CCDC85A: variants seen among roughly 807,000 people sequenced by gnomAD.
CCDC85A encodes coiled-coil domain containing 85A.
In CCDC85A, 38 loss-of-function variants were observed where a neutral mutation model predicts 50.2. The ratio of observed to expected loss-of-function variants is 0.76; its 90% CI spans 0.58 to 0.99. The LOEUF is 0.99. Among genes scored for constraint, CCDC85A ranks in the 50% least tolerant of loss-of-function variants. The probability of loss-of-function intolerance (pLI) is 0.00; values close to 1 mark genes in which losing one functional copy is unlikely to be tolerated. For synonymous variants in CCDC85A, 366 were observed against 301.4 expected (o/e 1.21, Z -2.22); for missense variants, 820 against 742.0 (o/e 1.11, Z -1.22).
intron 2 of CCDC85A, among the ~76,000 whole-genome samples, chr2:56,236,787 C>T (rs1669034391): frequency 6.6e-6 from 1 of 152,054 alleles, no homozygotes; most frequent in East Asian, 1.9e-4. Context: ...TCATTTTGGC[C>T]TCACATTTGC....
At chr2:56,315,535 G>GC (rs991797697) in intron 2 of CCDC85A, among the ~76,000 whole-genome samples, 73 of 152,220 alleles carry the variant, frequency 4.8e-4, no homozygotes, top group African/African-American at 1.7e-3. Context: ...CTCAAGTAAT[G>GC]CATGTAACTG....
intron 3 of CCDC85A, among the ~76,000 whole-genome samples, chr2:56,347,116 T>G (rs1674667337): frequency 6.6e-6 from 1 of 152,198 alleles, no homozygotes; most frequent in African/African-American, 2.4e-5. Flanking sequence ...CACACCTATC[T>G]TCTATACATA....
At chr2:56,364,027 A>G (rs371692706) in intron 3 of CCDC85A, among the ~76,000 whole-genome samples, 6 of 152,326 alleles carry the variant, frequency 3.9e-5, no homozygotes, top group Admixed American at 1.3e-4. Context: ...TTCTGTAGGA[A>G]TTTCAGTGTT....
chr2:56,232,922 G>T (rs1174165656), intron 2 of CCDC85A, among the ~76,000 whole-genome samples: 1 of 152,110 alleles, frequency 6.6e-6, no homozygotes, highest in African/African-American at 2.4e-5. Context: ...ACTTAATGGG[G>T]TGACATAATA....
intron 2 of CCDC85A, among the ~76,000 whole-genome samples, chr2:56,305,417 CAT>C (rs1672400659): frequency 6.6e-6 from 1 of 152,136 alleles, no homozygotes; most frequent in African/African-American, 2.4e-5. Context: ...GCTAGTAAGA[CAT>C]AAAGTGGAGA....
At chr2:56,340,427 T>C (rs906292739) in intron 2 of CCDC85A, among the ~76,000 whole-genome samples, 1 of 152,054 alleles carries the variant, frequency 6.6e-6, no homozygotes, top group Non-Finnish European at 1.5e-5. Context: ...ACTGAGGAGG[T>C]TGTTCTGCTT....
intron 2 of CCDC85A, among the ~76,000 whole-genome samples, chr2:56,256,204 A>G (rs534914793): frequency 4.5e-4 from 69 of 152,338 alleles, no homozygotes; most frequent in Middle Eastern, 6.8e-3. Flanking sequence ...ATTAAAAACA[A>G]TAGTAAATGT....
At chr2:56,309,479 A>C (rs1672593555) in intron 2 of CCDC85A, among the ~76,000 whole-genome samples, 2 of 152,202 alleles carry the variant, frequency 1.3e-5, no homozygotes, top group African/African-American at 2.4e-5. Context: ...ACAATGTAAG[A>C]TATTGCTCAG....
At chr2:56,360,893 T>A (rs1675488340) in intron 3 of CCDC85A, among the ~76,000 whole-genome samples, 1 of 152,242 alleles carries the variant, frequency 6.6e-6, no homozygotes, top group African/African-American at 2.4e-5. Context: ...CAGGAATATT[T>A]ATTCAGTGAT....
At chr2:56,358,064 T>C (rs574267698) in intron 3 of CCDC85A, among the ~76,000 whole-genome samples, 2 of 152,272 alleles carry the variant, frequency 1.3e-5, no homozygotes, top group African/African-American at 4.8e-5. Context: ...TTACCTCTGG[T>C]TTAGTATTTC....
chr2:56,267,578 G>A (rs970227647), intron 2 of CCDC85A, among the ~76,000 whole-genome samples: 23 of 152,146 alleles, frequency 1.5e-4, no homozygotes, highest in Non-Finnish European at 2.1e-4. Context: ...AACATAGCTC[G>A]AGCATGCTGG....
chr2:56,257,481 A>G lies in CCDC85A; in HGVS notation c.1240+64041A>G, dbSNP rs1670033570. The stretch of plus-strand genomic sequence containing the variant: ...AGCATACGACGAGGGGCCAAAAACA[A>G]TGGAGGAAAACATGAGAGGTGGGAG... On this transcript the variant is annotated intron_variant, in intron 2 of 5. Transcript: ENST00000407595. 3.9e-5 allele frequency among the ~76,000 whole-genome samples: 6 copies of G among 152,128 alleles called. No individual in the cohort carries two copies. The South Asian group carries it at 1.0e-3, about 26-fold the overall frequency.
intron 2 of CCDC85A, among the ~76,000 whole-genome samples, chr2:56,287,739 C>T (rs1205955578): frequency 2.6e-5 from 4 of 152,198 alleles, no homozygotes; most frequent in African/African-American, 9.6e-5. Context: ...CCTTTATTTT[C>T]TCACTTTACC....
chr2:56,274,733 T>G (rs2104076874), intron 2 of CCDC85A, among the ~76,000 whole-genome samples: 1 of 152,338 alleles, frequency 6.6e-6, no homozygotes, highest in South Asian at 2.1e-4. Context: ...AAGCGTAAGC[T>G]ATGTCTTAGT....
intron 2 of CCDC85A, among the ~76,000 whole-genome samples, chr2:56,262,525 G>A (rs1670263277): frequency 6.6e-6 from 1 of 152,172 alleles, no homozygotes; most frequent in Admixed American, 6.6e-5. Context: ...TGACTCAAGT[G>A]TCCCCAGGTA....
intron 2 of CCDC85A, among the ~76,000 whole-genome samples, chr2:56,329,110 C>G (rs773219365): frequency 3.9e-5 from 6 of 152,176 alleles, no homozygotes; most frequent in Middle Eastern, 3.2e-3. Context: ...CCCTTCCCCC[C>G]TCATTTCCTT....
rs940082047 is a variant in CCDC85A, at chr2:56,184,790, C to T, written c.166C>T (p.Leu56=). 1.9e-6 allele frequency: 3 copies of T among 1,546,332 alleles called. No homozygotes were observed. The highest frequency in any genetic ancestry group is 2.6e-6 in the Non-Finnish European group (3 of 1,146,066). Residue 56 remains leucine (L), a synonymous_variant, in exon 1 of 6, where the codon CTG becomes TTG. Coordinates refer to ENST00000407595, the MANE Select transcript of CCDC85A (RefSeq NM_001080433.2). The part of the protein sequence containing the change: ...QWSKEELIRS[L]RRAEAEKVSA... ...GAGCAAGGAGGAGCTGATCCGCAGC[C>T]TGCGGCGCGCCGAGGCGGAGAAGGT...
At chr2:56,373,785 A>G (rs1382404081) in intron 4 of CCDC85A, among the ~76,000 whole-genome samples, 1 of 152,220 alleles carries the variant, frequency 6.6e-6, no homozygotes, top group Non-Finnish European at 1.5e-5. Flanking sequence ...GTATAACCTG[A>G]GAAATCTTTT....
At chr2:56,327,098 T>C (rs1673509011) in intron 2 of CCDC85A, among the ~76,000 whole-genome samples, 1 of 152,152 alleles carries the variant, frequency 6.6e-6, no homozygotes, top group Admixed American at 6.6e-5. Context: ...TTATACATGG[T>C]AGATATTCCA....
Sources: gnomAD v4.1 joint callset for allele counts (sites outside exome capture counted in the v4.1 genomes callset) on GRCh38, gnomAD v4.1.1 for gene constraint, MANE v1.5 for transcripts, NCBI Gene and HGNC (gene_info 2026-07-23, HGNC 2026-07-21) for gene names.